The following TUSC3 variants were observed in gnomAD, a reference collection of about 807,000 sequenced individuals.
TUSC3 encodes the protein dolichyl-diphosphooligosaccharide--protein glycosyltransferase subunit TUSC3.
TUSC3 carries 45 observed loss-of-function variants against 44.8 expected under a neutral mutation model. That is an observed-to-expected ratio of 1.00 (90% CI 0.79 to 1.29). TUSC3 has a LOEUF of 1.29. Ranked by LOEUF, TUSC3 falls within the 50% of genes most tolerant of loss-of-function variation. TUSC3 has a pLI of 0.00. For missense variants in TUSC3, 519 were observed against 437.9 expected, an observed-to-expected ratio of 1.19 and a Z score of -1.65; for synonymous variants, 212 against 152.9, an observed-to-expected ratio of 1.39 and a Z score of -2.85.
intron 1 of TUSC3, among the ~76,000 whole-genome samples, chr8:15,610,094 G>A (rs543517528): frequency 5.3e-5 from 8 of 152,032 alleles, no homozygotes; most frequent in Admixed American, 2.6e-4. Flanking sequence ...AATTTTTAAG[G>A]TATATTAAGA....
At chr8:15,680,262 A>G (rs1262530460) in intron 6 of TUSC3, among the ~76,000 whole-genome samples, 3 of 152,004 alleles carry the variant, frequency 2.0e-5, no homozygotes, top group Non-Finnish European at 4.4e-5. Context: ...GATTTATTTC[A>G]GCAGTGTTTT....
Position 15,667,946 on chromosome 8 carries a change from A to G in TUSC3, c.708+5650A>G, listed in dbSNP as rs1807745667. Among the ~76,000 whole-genome samples, 3 of 151,818 alleles carry G rather than the reference A, an allele frequency of 2.0e-5. No individual in the cohort carries two copies. In the South Asian group the frequency reaches 6.2e-4, roughly 32 times the overall value. On this transcript the variant is annotated intron_variant, in intron 5 of 10. Coordinates refer to ENST00000503731, the MANE Select transcript of TUSC3 (RefSeq NM_006765.4). ...GAAAAACAAGGAAAATAGACGGTTA[A>G]AGGAGGATGCCTTGAGCCAATGGTG...
chr8:15,430,025 C>T (rs914782688), intron 1 of TUSC3, among the ~76,000 whole-genome samples: 2 of 151,596 alleles, frequency 1.3e-5, no homozygotes, highest in African/African-American at 2.4e-5. Context: ...CAGATGGATT[C>T]ACAGCCGAAT....
chr8:15,436,622 G>C (rs28608046), intron 1 of TUSC3, among the ~76,000 whole-genome samples: 24,759 of 152,088 alleles, frequency 0.16, 2,091 homozygotes, highest in Middle Eastern at 0.22. Flanking sequence ...GGTTCAGATT[G>C]TGATTGCATT....
intron 5 of TUSC3, among the ~76,000 whole-genome samples, chr8:15,668,100 G>C (rs772129289): frequency 6.6e-6 from 1 of 151,756 alleles, no homozygotes; most frequent in Non-Finnish European, 1.5e-5. Context: ...TCCCACTGCA[G>C]TGAGGTGGAA....
chr8:15,650,930 C>T (rs1003685329), intron 3 of TUSC3, 116 bp downstream of exon 3: 31 of 1,049,640 alleles, frequency 3.0e-5, no homozygotes, highest in Admixed American at 1.9e-4. Flanking sequence ...GCGGAGGTTG[C>T]AGTGAGCCGA....
the TUSC3 span, among the ~76,000 whole-genome samples, chr8:15,808,052 G>C: frequency 6.6e-6 from 1 of 152,194 alleles, no homozygotes; most frequent in South Asian, 2.1e-4. Flanking sequence ...CTTTATGCTA[G>C]TATAATTTTA....
intron 2 of TUSC3, among the ~76,000 whole-genome samples, chr8:15,629,291 G>T (rs137932105): frequency 2.0e-5 from 3 of 151,984 alleles, no homozygotes; most frequent in Non-Finnish European, 4.4e-5. Flanking sequence ...ATTTCAAAGG[G>T]GCGTCTGTTA....
At chr8:15,752,443 C>T (rs1041977140) in intron 9 of TUSC3, among the ~76,000 whole-genome samples, 1 of 152,026 alleles carries the variant, frequency 6.6e-6, no homozygotes, top group Non-Finnish European at 1.5e-5. Context: ...AGGAAATATT[C>T]TTAACCAATT....
At chr8:15,730,026 C>A (rs1370818503) in intron 6 of TUSC3, among the ~76,000 whole-genome samples, 3 of 151,906 alleles carry the variant, frequency 2.0e-5, no homozygotes. Flanking sequence ...TTATTTAAAA[C>A]AACTGCACAG....
intron 1 of TUSC3, among the ~76,000 whole-genome samples, chr8:15,565,194 C>G (rs1209254865): frequency 6.8e-6 from 1 of 146,306 alleles, no homozygotes; most frequent in African/African-American, 2.5e-5. Flanking sequence ...TTTGCAGTTT[C>G]TAGAGGCTGC....
intron 2 of TUSC3, among the ~76,000 whole-genome samples, chr8:15,523,428 C>G (rs956431513): frequency 6.6e-6 from 1 of 151,946 alleles, no homozygotes; most frequent in East Asian, 1.9e-4. Context: ...ACATGGTTTT[C>G]ATAGGAGTTT....
At chr8:15,480,494 C>T (rs966007388) in intron 1 of TUSC3, among the ~76,000 whole-genome samples, 1 of 152,204 alleles carries the variant, frequency 6.6e-6, no homozygotes, top group Non-Finnish European at 1.5e-5. Context: ...AGTACAACTT[C>T]TAGTTGAGTA....
At chr8:15,659,699 A>G (rs1807335012) in intron 4 of TUSC3, 52 bp downstream of exon 4, 2 of 1,603,416 alleles carry the variant, frequency 1.2e-6, no homozygotes, top group Non-Finnish European at 1.7e-6. Flanking sequence ...GTTTGTTTTT[A>G]TGGAGCATTT....
intron 2 of TUSC3, among the ~76,000 whole-genome samples, chr8:15,494,086 G>A (rs1377978294): frequency 6.6e-6 from 1 of 152,146 alleles, no homozygotes; most frequent in Non-Finnish European, 1.5e-5. Context: ...CCAGCCTGCT[G>A]CTATACCAGC....
In TUSC3 at chr8:15,765,989, C is replaced by G. The variant is rs1419697849; in HGVS notation, c.*1833C>G. On this transcript the variant is annotated 3_prime_UTR_variant, in exon 11 of 11. Transcript: ENST00000503731. ...GATTAAATGATATTACAAATTATCT[C>G]TAATCTCACTGTAAATCTTTTAATC... 6.6e-6 allele frequency: 1 copy of G among 152,014 alleles called. No individual in the cohort carries two copies. The highest frequency in any genetic ancestry group is 1.5e-5 in the Non-Finnish European group (1 of 67,946). The allele number at this position is 152,014 out of a possible 1,614,324, so 9.4% of individuals were successfully genotyped here. A position where few individuals can be genotyped will look rare whatever the true frequency, so the allele number is the denominator to read the frequency against.
chr8:15,623,087 T>C lies in TUSC3; in HGVS notation c.146T>C (p.Leu49Ser). 6.2e-7 allele frequency: 1 copy of C among 1,613,808 alleles called. No homozygotes were observed. The highest frequency in any genetic ancestry group is 8.5e-7 in the Non-Finnish European group (1 of 1,179,836). Residue 49 changes from leucine (L) to serine (S), a missense_variant, in exon 2 of 11, where the codon TTA becomes TCA. Coordinates refer to ENST00000503731, the MANE Select transcript of TUSC3 (RefSeq NM_006765.4). ...GGGQKKKENL[L>S]AEKVEQLMEW... ...TTCTGTGTTTAATTGCAGAATCTTT[T>C]AGCTGAAAAAGTAGAGCAGCTGATG...
intron 3 of TUSC3, among the ~76,000 whole-genome samples, chr8:15,656,401 T>C (rs573292920): frequency 1.3e-5 from 2 of 152,256 alleles, no homozygotes; most frequent in South Asian, 2.1e-4. Context: ...AGGCATTGAA[T>C]AGACATTCCC....
At chr8:15,554,012 G>A (rs1333137932) in intron 1 of TUSC3, among the ~76,000 whole-genome samples, 2 of 151,496 alleles carry the variant, frequency 1.3e-5, no homozygotes, top group Non-Finnish European at 2.9e-5. Context: ...TCACAGTTAT[G>A]GGAGCTGGGA....
Sources: allele counts gnomAD v4.1 joint callset (sites outside exome capture counted in the v4.1 genomes callset), GRCh38; gene constraint gnomAD v4.1.1; transcripts MANE v1.5; gene names NCBI Gene and HGNC (gene_info 2026-07-23, HGNC 2026-07-21).